Variants in PLCB1 observed in about 807,000 individuals in gnomAD.
PLCB1 encodes 1-phosphatidylinositol 4,5-bisphosphate phosphodiesterase beta-1.
PLCB1 carries 46 observed loss-of-function variants against 161.8 expected under a neutral mutation model. That is an observed-to-expected ratio of 0.28 (90% CI 0.22 to 0.36). PLCB1 has a LOEUF of 0.36. Among genes scored for constraint, PLCB1 ranks in the 10% least tolerant of loss-of-function variants. The pLI, the probability that PLCB1 is intolerant of heterozygous loss-of-function variation, is 1.00. For synonymous variants in PLCB1, 517 were observed against 503.7 expected (o/e 1.03, Z -0.35); for missense variants, 1,016 against 1,472.5 (o/e 0.69, Z 5.07).
At chr20:8,391,340 A>G (rs1054600831) in intron 3 of PLCB1, among the ~76,000 whole-genome samples, 13 of 152,162 alleles carry the variant, frequency 8.5e-5, no homozygotes, top group African/African-American at 2.7e-4. Flanking sequence ...TTGTTGTACT[A>G]AGACTTACAG....
chr20:8,625,694 T>C (rs1988318753), intron 3 of PLCB1, among the ~76,000 whole-genome samples: 1 of 152,168 alleles, frequency 6.6e-6, no homozygotes, highest in Non-Finnish European at 1.5e-5. Flanking sequence ...AGTGTTCCTT[T>C]AGTTCATACA....
At chr20:8,554,828 G>C (rs1305217836) in intron 3 of PLCB1, among the ~76,000 whole-genome samples, 1 of 152,014 alleles carries the variant, frequency 6.6e-6, no homozygotes, top group Non-Finnish European at 1.5e-5. Flanking sequence ...ATCACCTGTT[G>C]CTGTTCTACG....
At chr20:8,418,100 A>G (rs1979382065) in intron 3 of PLCB1, among the ~76,000 whole-genome samples, 1 of 152,226 alleles carries the variant, frequency 6.6e-6, no homozygotes, top group African/African-American at 2.4e-5. Context: ...GGGAAGTAGT[A>G]AAAGTCAGAG....
At chr20:8,136,413 C>T (rs868007616) in intron 1 of PLCB1, among the ~76,000 whole-genome samples, 3 of 152,072 alleles carry the variant, frequency 2.0e-5, no homozygotes, top group Non-Finnish European at 4.4e-5. Context: ...GATCACAAGA[C>T]CAGGAGATCG....
At chr20:8,221,821 A>G (rs570134645) in intron 2 of PLCB1, among the ~76,000 whole-genome samples, 2 of 152,306 alleles carry the variant, frequency 1.3e-5, no homozygotes, top group Admixed American at 6.5e-5. Context: ...TGAAAACTCC[A>G]TATTCCATAG....
intron 31 of PLCB1, among the ~76,000 whole-genome samples, chr20:8,858,456 A>G (rs961943846): frequency 7.2e-5 from 11 of 152,244 alleles, no homozygotes; most frequent in African/African-American, 2.7e-4. Flanking sequence ...ATGATAGGAC[A>G]GGGATGGCCC....
chr20:8,831,980 T>G (rs1600366488), intron 31 of PLCB1, among the ~76,000 whole-genome samples: 1 of 122,134 alleles, frequency 8.2e-6, no homozygotes, highest in Non-Finnish European at 1.8e-5. Context: ...CTTTCTTTCT[T>G]TCCTTCTTTC....
At chr20:8,860,696 C>G (rs1186937134) in intron 31 of PLCB1, among the ~76,000 whole-genome samples, 3 of 152,190 alleles carry the variant, frequency 2.0e-5, no homozygotes, top group African/African-American at 7.2e-5. Context: ...CAGATCTATT[C>G]CTCTTTGAGA....
At chr20:8,610,553 C>T (rs113765215) in intron 3 of PLCB1, among the ~76,000 whole-genome samples, 36 of 152,242 alleles carry the variant, frequency 2.4e-4, no homozygotes, top group African/African-American at 7.9e-4. Flanking sequence ...TAAGGAGTTG[C>T]AAACTGTTTT....
chr20:8,261,738 T>C (rs1981708632), intron 2 of PLCB1, among the ~76,000 whole-genome samples: 1 of 152,108 alleles, frequency 6.6e-6, no homozygotes, highest in African/African-American at 2.4e-5. Flanking sequence ...CCTAAAACAA[T>C]TGAAAGGACA....
At chr20:8,486,481 ATTTTTTTTTT>A (rs71183092) in intron 3 of PLCB1, among the ~76,000 whole-genome samples, 33 of 85,782 alleles carry the variant, frequency 3.8e-4, no homozygotes, top group South Asian at 8.5e-4. Flanking sequence ...ATTCCAAAAT[ATTTTTTTTTT>A]TTTTTTTTTT....
rs141428937 is a variant in PLCB1 at position 8,431,056 on chromosome 20, A to G, written c.246+59606A>G. On this transcript the variant is annotated intron_variant, in intron 3 of 31. Coordinates refer to ENST00000338037, the MANE Select transcript of PLCB1 (RefSeq NM_015192.4). ...AGAGGTTTATATTTTATTATTATAT[A>G]TGCATTAATATATAATCAGATATTA... Among the ~76,000 whole-genome samples the G allele has an allele frequency of 3.5e-3, 531 of 152,044 alleles. 4 individuals are homozygous for G. Among genetic ancestry groups the G allele is most frequent in the African/African-American group, 0.012 (509 of 41,528 alleles).
intron 2 of PLCB1, among the ~76,000 whole-genome samples, chr20:8,163,411 G>C (rs1481046263): frequency 6.6e-6 from 1 of 152,310 alleles, no homozygotes; most frequent in East Asian, 1.9e-4. Flanking sequence ...AAATCCCTCA[G>C]ACATAGATGC....
chr20:8,746,303 G>C (rs1981168594), intron 23 of PLCB1, among the ~76,000 whole-genome samples: 1 of 152,076 alleles, frequency 6.6e-6, no homozygotes, highest in Non-Finnish European at 1.5e-5. Context: ...GAGATGCCTA[G>C]TGAAATATCA....
intron 2 of PLCB1, among the ~76,000 whole-genome samples, chr20:8,244,219 T>C (rs1342307052): frequency 3.9e-5 from 6 of 151,950 alleles, no homozygotes; most frequent in African/African-American, 1.2e-4. Context: ...GTCTGTGCCC[T>C]ACATATATCT....
At chr20:8,144,636 T>G (rs6055568) in intron 1 of PLCB1, among the ~76,000 whole-genome samples, 74,554 of 152,046 alleles carry the variant, frequency 0.49, 19,269 homozygotes, top group African/African-American at 0.66. Flanking sequence ...ACGTTTATAA[T>G]GTTTTCATTT....
rs147408278 is a variant in PLCB1, at chr20:8,500,171, A to G, written c.247-128123A>G. 2.4e-4 allele frequency among the ~76,000 whole-genome samples: 37 copies of G among 152,358 alleles called. No homozygotes were observed. In the East Asian group the frequency reaches 3.1e-3, roughly 13 times the overall value. On this transcript the variant is annotated intron_variant, in intron 3 of 31. Transcript: ENST00000338037. Reference sequence around the variant, plus strand: ...TAGGTAAAGGTCATTTTGATTGGAAACATCTATCAAATCAGTCCATGAGGT... The same window carrying G: ...TAGGTAAAGGTCATTTTGATTGGAAGCATCTATCAAATCAGTCCATGAGGT...
chr20:8,246,152 C>A (rs1222343463), intron 2 of PLCB1, among the ~76,000 whole-genome samples: 1 of 151,894 alleles, frequency 6.6e-6, no homozygotes, highest in African/African-American at 2.4e-5. Flanking sequence ...AAAAGACATG[C>A]ATCAGATAGC....
chr20:8,151,347 C>T lies in PLCB1; in HGVS notation c.177+976C>T, dbSNP rs1445732321. ...TCCTGGAGTTGCCTGTCAGCTTTGCCTTCTGTCTCTGAGGCAAGCTCAATT... is the reference window on the plus strand; with the variant it reads ...TCCTGGAGTTGCCTGTCAGCTTTGCTTTCTGTCTCTGAGGCAAGCTCAATT... On this transcript the variant is annotated intron_variant, in intron 2 of 31. Transcript: ENST00000338037. Among the ~76,000 whole-genome samples, 3 of 152,132 alleles carry T rather than the reference C, an allele frequency of 2.0e-5. No homozygotes were observed. In the East Asian group the frequency reaches 5.8e-4, roughly 29 times the overall value.
Sources: allele counts gnomAD v4.1 joint callset (sites outside exome capture counted in the v4.1 genomes callset), GRCh38; gene constraint gnomAD v4.1.1; transcripts MANE v1.5; gene names NCBI Gene and HGNC (gene_info 2026-07-23, HGNC 2026-07-21).